The following SEMA5A variants were observed in gnomAD, a reference collection of about 807,000 sequenced individuals.
SEMA5A encodes semaphorin-5A.
In SEMA5A, 55 loss-of-function variants were observed where a neutral mutation model predicts 135.5. That is an observed-to-expected ratio of 0.41 (90% CI 0.33 to 0.51). The LOEUF (loss-of-function observed/expected upper bound fraction) is 0.51. Among genes scored for constraint, SEMA5A ranks in the 20% least tolerant of loss-of-function variants. The pLI, the probability that SEMA5A is intolerant of heterozygous loss-of-function variation, is 0.37. For missense variants in SEMA5A, 1,290 were observed against 1,419.9 expected (o/e 0.91, Z 1.47); for synonymous variants, 580 against 546.5 (o/e 1.06, Z -0.85).
chr5:9,207,114 A>ATATATATATATATG (rs1554003352), intron 8 of SEMA5A, among the ~76,000 whole-genome samples: 6 of 132,418 alleles, frequency 4.5e-5, no homozygotes, highest in African/African-American at 1.7e-4. Flanking sequence ...ATATATATAT[A>ATATATATATATATG]TATATATATA....
intron 2 of SEMA5A, among the ~76,000 whole-genome samples, chr5:9,403,717 C>T (rs1561225144): frequency 6.6e-6 from 1 of 152,104 alleles, no homozygotes; most frequent in African/African-American, 2.4e-5. Flanking sequence ...CTGAATGCTC[C>T]TTGACAGTCC....
In SEMA5A at chr5:9,122,831, T is replaced by C; in HGVS notation, c.1606A>G (p.Asn536Asp). The change falls in exon 14 of 23, where the codon AAT (asparagine) becomes GAT (aspartate). Residue 536 changes from asparagine to aspartate, a missense_variant. Physicochemically the swap from Asn to Asp is conservative, Grantham distance 23. Around this residue, in one of 3 missense-constraint regions of SEMA5A, gnomAD observed 1,029 missense variants for 1,086.6 expected, o/e 0.95. Transcript: ENST00000382496. ...EQSISACPTR[N>D]LTVDGHFGVW... The stretch of plus-strand genomic sequence containing the variant: ...CCAAAGTGCCCATCCACGGTGAGAT[T>C]CCTGGTCTAGGAAGCAAAACCAAGC... The C allele has an allele frequency of 2.5e-6, 4 of 1,597,116 alleles. No homozygotes were observed. Among genetic ancestry groups the C allele is most frequent in the Non-Finnish European group, 3.4e-6 (4 of 1,169,374 alleles).
At chr5:9,064,971 C>T (rs1405920687) in intron 17 of SEMA5A, among the ~76,000 whole-genome samples, 1 of 152,198 alleles carries the variant, frequency 6.6e-6, no homozygotes, top group African/African-American at 2.4e-5. Flanking sequence ...CTTGGTATTT[C>T]ATCATATACC....
At chr5:9,151,558 T>C (rs1384035244) in intron 12 of SEMA5A, among the ~76,000 whole-genome samples, 4 of 152,304 alleles carry the variant, frequency 2.6e-5, no homozygotes, top group African/African-American at 9.6e-5. Context: ...GTTTGTGCAG[T>C]TATTTTTTTT....
At chr5:9,102,062 A>G (rs1384247116) in intron 16 of SEMA5A, among the ~76,000 whole-genome samples, 1 of 152,220 alleles carries the variant, frequency 6.6e-6, no homozygotes, top group African/African-American at 2.4e-5. Flanking sequence ...CCTGCCATCT[A>G]AGGCAGGACT....
chr5:9,162,538 ATGTGTGTATATATGTG>A (rs1334747441), intron 11 of SEMA5A, among the ~76,000 whole-genome samples: 2 of 73,504 alleles, frequency 2.7e-5, no homozygotes, highest in African/African-American at 7.4e-5. Context: ...ATATATATGT[ATGTGTGTATATATGTG>A]TGTGTGTGTG....
intron 1 of SEMA5A, among the ~76,000 whole-genome samples, chr5:9,484,461 G>A (rs979721529): frequency 6.6e-6 from 1 of 152,178 alleles, no homozygotes; most frequent in African/African-American, 2.4e-5. Context: ...CCCCTTTGAA[G>A]TCAATGACAC....
At chr5:9,519,748 G>C (rs1736718442) in intron 1 of SEMA5A, 1 of 152,210 alleles carries the variant, frequency 6.6e-6, no homozygotes, top group Non-Finnish European at 1.5e-5. Context: ...ACCACTCTGA[G>C]ACCCAGCTCA....
intron 3 of SEMA5A, among the ~76,000 whole-genome samples, chr5:9,343,431 C>G (rs1252468926): frequency 2.0e-5 from 3 of 152,078 alleles, no homozygotes; most frequent in African/African-American, 4.8e-5. Context: ...GTCTTCACCT[C>G]CTCAAGATGG....
At chr5:9,046,476 C>T (rs543135531) in intron 21 of SEMA5A, among the ~76,000 whole-genome samples, 9 of 152,294 alleles carry the variant, frequency 5.9e-5, no homozygotes, top group African/African-American at 1.9e-4. Flanking sequence ...TGCGGACCCA[C>T]GGGGCTCTAA....
intron 3 of SEMA5A, among the ~76,000 whole-genome samples, chr5:9,353,128 A>G (rs1411125017): frequency 5.1e-4 from 38 of 74,564 alleles, no homozygotes; most frequent in African/African-American, 2.0e-3. Context: ...AAAGGAAAGG[A>G]AAGGAAAGGA....
At chr5:9,250,244 G>T (rs1748701990) in intron 5 of SEMA5A, among the ~76,000 whole-genome samples, 1 of 152,122 alleles carries the variant, frequency 6.6e-6, no homozygotes, top group Non-Finnish European at 1.5e-5. Flanking sequence ...CAATTTAGTA[G>T]TGGGAAGGGC....
chr5:9,255,740 A>G (rs1445041729), intron 5 of SEMA5A, among the ~76,000 whole-genome samples: 2 of 152,040 alleles, frequency 1.3e-5, no homozygotes, highest in African/African-American at 2.4e-5. Context: ...ACCTTGTTTT[A>G]TGACAGCAAA....
chr5:9,506,745 G>A (rs1226392070), intron 1 of SEMA5A, among the ~76,000 whole-genome samples: 1 of 152,196 alleles, frequency 6.6e-6, no homozygotes, highest in Non-Finnish European at 1.5e-5. Flanking sequence ...GGAGCTTCCA[G>A]AGCAGCACCT....
At chr5:9,387,948 C>T (rs565211400) in intron 2 of SEMA5A, among the ~76,000 whole-genome samples, 4 of 152,256 alleles carry the variant, frequency 2.6e-5, no homozygotes, top group South Asian at 4.1e-4. Flanking sequence ...TTTTAACCCA[C>T]GTGTCTCGAT....
chr5:9,072,490 T>C (rs995047967), intron 16 of SEMA5A, among the ~76,000 whole-genome samples: 1 of 152,250 alleles, frequency 6.6e-6, no homozygotes, highest in African/African-American at 2.4e-5. Context: ...TGTGAGAAAC[T>C]ACACAGGAAT....
chr5:9,498,749 C>A (rs746881406), intron 1 of SEMA5A: 8 of 150,712 alleles, frequency 5.3e-5, no homozygotes, highest in Non-Finnish European at 1.0e-4. Flanking sequence ...GACCCAGTAA[C>A]CTTGTCATGC....
chr5:9,540,654 T>C (rs905523780), intron 1 of SEMA5A, among the ~76,000 whole-genome samples: 2 of 152,068 alleles, frequency 1.3e-5, no homozygotes, highest in South Asian at 2.1e-4. Context: ...TAAATCTCAG[T>C]CCTGTAAAAG....
chr5:9,481,368 C>T (rs1281381850), intron 1 of SEMA5A, among the ~76,000 whole-genome samples: 2 of 152,116 alleles, frequency 1.3e-5, no homozygotes, highest in East Asian at 1.9e-4. Flanking sequence ...ATTTTGGTGG[C>T]TTATTTTGGT....
Sources: allele counts gnomAD v4.1 joint callset (sites outside exome capture counted in the v4.1 genomes callset), GRCh38; gene constraint gnomAD v4.1.1; regional missense constraint gnomAD v4.1.1; transcripts MANE v1.5; gene names NCBI Gene and HGNC (gene_info 2026-07-23, HGNC 2026-07-21).